The following CEP128 variants were observed in gnomAD, a reference collection of about 807,000 sequenced individuals.
CEP128 encodes centrosomal protein 128kDa.
Under a neutral mutation model 156.7 loss-of-function variants are expected in CEP128, and 132 were observed. That is an observed-to-expected ratio of 0.84 (90% CI 0.73 to 0.97). The LOEUF (loss-of-function observed/expected upper bound fraction) is 0.97, where lower values mean the gene tolerates loss of function less well. Ranked by LOEUF, CEP128 falls within the 50% of genes least tolerant of loss-of-function variation. The pLI is 0.00. For missense variants in CEP128, 1,252 were observed against 1,281.9 expected (o/e 0.98, Z 0.36); for synonymous variants, 469 against 448.9 (o/e 1.04, Z -0.57).
intron 9 of CEP128, among the ~76,000 whole-genome samples, chr14:80,857,538 G>C (rs1050654840): frequency 1.3e-5 from 2 of 151,830 alleles, no homozygotes; most frequent in Non-Finnish European, 2.9e-5. Context: ...TTTAAGACCA[G>C]CCTGGGCAAT....
chr14:80,948,844 TATTA>T (rs1209565449), intron 2 of CEP128, among the ~76,000 whole-genome samples: 5 of 152,238 alleles, frequency 3.3e-5, no homozygotes, highest in Admixed American at 3.3e-4. Flanking sequence ...AAAATTGTCT[TATTA>T]ATTGTCATAG....
At chr14:80,622,154 G>C (rs565774512) in intron 19 of CEP128, among the ~76,000 whole-genome samples, 12 of 152,110 alleles carry the variant, frequency 7.9e-5, no homozygotes, top group Non-Finnish European at 1.5e-4. Flanking sequence ...GCTGTTTTTA[G>C]CATTCTTTAT....
chr14:80,670,292 C>T (rs1895786483), intron 19 of CEP128, among the ~76,000 whole-genome samples: 1 of 152,150 alleles, frequency 6.6e-6, no homozygotes, highest in Non-Finnish European at 1.5e-5. Context: ...TGTTTAATTG[C>T]TGCACTATTC....
At chr14:80,873,064 C>T (rs1434770678) in intron 8 of CEP128, among the ~76,000 whole-genome samples, 1 of 152,188 alleles carries the variant, frequency 6.6e-6, no homozygotes, top group Non-Finnish European at 1.5e-5. Context: ...ATGTAAGGAA[C>T]TGGCACATGA....
In CEP128 at chr14:80,673,785, T is replaced by C. The variant is rs147490433; in HGVS notation, c.2806+69290A>G. 7.0e-4 allele frequency among the ~76,000 whole-genome samples: 106 copies of C among 151,300 alleles called. 1 individual carries two copies. The highest frequency in any genetic ancestry group is 2.5e-3 in the African/African-American group (102 of 41,138). ...ATATGAACGCCTTTTCTTTTCTCTT[T>C]CTCTCTCTCTCTTTTTTTTTTAGCA... On this transcript the variant is annotated intron_variant, in intron 19 of 24. Coordinates refer to ENST00000555265, the MANE Select transcript of CEP128 (RefSeq NM_152446.5).
At chr14:80,900,216 A>G (rs1566703053) in intron 6 of CEP128, among the ~76,000 whole-genome samples, 187 bp from the exon 7 acceptor site, 1 of 152,262 alleles carries the variant, frequency 6.6e-6, no homozygotes, top group Non-Finnish European at 1.5e-5. Flanking sequence ...TAAAAGCTGT[A>G]TATAACATTT....
rs561838426 is a variant in CEP128, at chr14:80,933,045, C to A, written c.-16+6340G>T. 2.6e-5 allele frequency among the ~76,000 whole-genome samples: 4 copies of A among 152,154 alleles called. No homozygotes were observed. In the South Asian group the frequency reaches 8.3e-4, roughly 32 times the overall value. ...CAACTCCATCAAGTTTCAGCAGTAC[C>A]CACATTGGGCAGCTTCCCATCAAGT... On this transcript the variant is annotated intron_variant, in intron 2 of 24. Coordinates refer to ENST00000555265, the MANE Select transcript of CEP128 (RefSeq NM_152446.5).
intron 8 of CEP128, among the ~76,000 whole-genome samples, chr14:80,886,617 C>G (rs967474498): frequency 6.6e-6 from 1 of 152,196 alleles, no homozygotes; most frequent in Non-Finnish European, 1.5e-5. Context: ...CTTGCAAGAG[C>G]TCCTGAAGGA....
At chr14:80,866,089 C>A (rs1212734010) in intron 8 of CEP128, among the ~76,000 whole-genome samples, 1 of 152,220 alleles carries the variant, frequency 6.6e-6, no homozygotes, top group South Asian at 2.1e-4. Context: ...CAGGTCAGCC[C>A]CCACAGATGC....
At chr14:80,695,561 T>C (rs959508485) in intron 19 of CEP128, among the ~76,000 whole-genome samples, 1 of 151,428 alleles carries the variant, frequency 6.6e-6, no homozygotes, top group African/African-American at 2.4e-5. Context: ...ACTAAAGATA[T>C]AAAAAATTAG....
chr14:80,862,937 G>A, intron 8 of CEP128, 64 bp from the exon 9 acceptor site: 1 of 1,185,434 alleles, frequency 8.4e-7, no homozygotes, highest in South Asian at 1.2e-5. Flanking sequence ...ACTAAATTGA[G>A]AAGATAGTTT....
At chr14:80,520,570 T>C (rs1291005802) in intron 23 of CEP128, among the ~76,000 whole-genome samples, 3 of 152,218 alleles carry the variant, frequency 2.0e-5, no homozygotes, top group African/African-American at 7.2e-5. Flanking sequence ...TGTATAAAAT[T>C]ATATATTCCT....
intron 19 of CEP128, among the ~76,000 whole-genome samples, chr14:80,582,174 G>T (rs1044479307): frequency 1.3e-5 from 2 of 152,144 alleles, no homozygotes; most frequent in African/African-American, 4.8e-5. Flanking sequence ...GTTGATCTAA[G>T]GATGACTACA....
At chr14:80,737,646 A>G (rs187275962) in intron 19 of CEP128, among the ~76,000 whole-genome samples, 1 of 152,258 alleles carries the variant, frequency 6.6e-6, no homozygotes, top group African/African-American at 2.4e-5. Context: ...ACTCAGGAAA[A>G]CAAGGTCTAG....
chr14:80,921,353 G>A (rs753914090), intron 2 of CEP128, among the ~76,000 whole-genome samples: 1 of 152,100 alleles, frequency 6.6e-6, no homozygotes, highest in African/African-American at 2.4e-5. Context: ...AAGAAGAAGA[G>A]AGACGAAATA....
At chr14:80,485,144 A>C (rs528550762) in intron 14 of CEP128, among the ~76,000 whole-genome samples, 1 of 152,140 alleles carries the variant, frequency 6.6e-6, no homozygotes, top group Non-Finnish European at 1.5e-5. Flanking sequence ...TGGTTCTGAG[A>C]ATCTGAATAT....
At chr14:80,517,324 T>A (rs1297019934) in intron 23 of CEP128, among the ~76,000 whole-genome samples, 1 of 152,170 alleles carries the variant, frequency 6.6e-6, no homozygotes, top group Non-Finnish European at 1.5e-5. Flanking sequence ...GACTATTGAT[T>A]TGAAACATTT....
chr14:80,707,901 A>T (rs1222167773), intron 19 of CEP128, among the ~76,000 whole-genome samples: 1 of 152,192 alleles, frequency 6.6e-6, no homozygotes. Context: ...TCTGTTCAAC[A>T]TTAACTTTGT....
At chr14:80,625,202 C>T (rs76397566) in intron 19 of CEP128, among the ~76,000 whole-genome samples, 11,826 of 152,172 alleles carry the variant, frequency 0.078, 546 homozygotes, top group African/African-American at 0.12. Context: ...ACTTTATTAA[C>T]GAGACACATT....
Sources: allele counts gnomAD v4.1 joint callset (sites outside exome capture counted in the v4.1 genomes callset), GRCh38; gene constraint gnomAD v4.1.1; transcripts MANE v1.5; gene names NCBI Gene and HGNC (gene_info 2026-07-23, HGNC 2026-07-21).